Variants in PRDM14 observed in about 807,000 individuals in gnomAD.
PRDM14 encodes PR domain zinc finger protein 14.
A neutral mutation model predicts 48.0 loss-of-function variants in PRDM14; 16 were observed. The observed-to-expected ratio is 0.33, with a 90% CI of 0.23 to 0.51. The LOEUF (loss-of-function observed/expected upper bound fraction) is 0.51, where lower values mean the gene tolerates loss of function less well. Ranked by LOEUF, PRDM14 falls within the 20% of genes least tolerant of loss-of-function variation. The pLI is 0.97. For synonymous variants in PRDM14, 264 were observed against 276.6 expected (o/e 0.95, Z 0.45); for missense variants, 566 against 719.6 (o/e 0.79, Z 2.44).
chr8:70,061,315 C>CT (rs1805577872), intron 5 of PRDM14, among the ~76,000 whole-genome samples: 1 of 152,108 alleles, frequency 6.6e-6, no homozygotes, highest in Non-Finnish European at 1.5e-5. Flanking sequence ...GAAGAGCAGC[C>CT]AAGAGTGAGT....
At chr8:70,068,598 T>C in intron 2 of PRDM14, 66 bp from the exon 3 acceptor site, 1 of 1,302,254 alleles carries the variant, frequency 7.7e-7, no homozygotes. Flanking sequence ...TTATGAGGTG[T>C]TTCCCTCCTT....
intron 6 of PRDM14, among the ~76,000 whole-genome samples, chr8:70,056,687 A>G (rs1174333765): frequency 6.6e-6 from 1 of 151,730 alleles, no homozygotes; most frequent in African/African-American, 2.4e-5. Flanking sequence ...GGTGGCATGC[A>G]CTTATAGCCT....
At chr8:70,052,663 G>A (rs1227522652) in intron 7 of PRDM14, among the ~76,000 whole-genome samples, 1 of 151,948 alleles carries the variant, frequency 6.6e-6, no homozygotes, top group Non-Finnish European at 1.5e-5. Context: ...TCAGGAGTTC[G>A]AGACCAGCCT....
intron 6 of PRDM14, among the ~76,000 whole-genome samples, chr8:70,055,891 C>T (rs1161169649): frequency 4.6e-5 from 7 of 152,216 alleles, no homozygotes; most frequent in Non-Finnish European, 1.0e-4. Context: ...GCTCTCTCAA[C>T]AGGTAGCTGT....
At position 70,069,207 on chromosome 8, in the gene PRDM14, G is replaced by C. The variant is rs148902231; in HGVS notation, c.654C>G (p.Ser218Arg). 2.4e-4 allele frequency: 368 copies of C among 1,563,584 alleles called. 2 individuals carry two copies. In the African/African-American group the frequency reaches 4.2e-3, roughly 18 times the overall value. Residue 218 changes from serine (S) to arginine (R), a missense_variant, in exon 2 of 8, where the codon AGC (serine) becomes AGG (arginine). Ser to Arg is a moderately radical substitution (Grantham distance 110, BLOSUM62 -1). Transcript: ENST00000276594. The part of the protein sequence containing the change: ...GVTPSLEHPA[S>R]LHHAISGLLV... ...GGAGGCCTGAAATCGCATGGTGCAG[G>C]CTGGCTGGGTGCTCCAGGCTGGGAG...
At position 70,051,996 on chromosome 8, in the gene PRDM14, A is replaced by G. The variant is rs1204619757; in HGVS notation, c.*81T>C. On this transcript the variant is annotated 3_prime_UTR_variant, in exon 8 of 8. Coordinates refer to ENST00000276594, the MANE Select transcript of PRDM14 (RefSeq NM_024504.4). ...ACCATGTTGCCCAGGCTGGTCTCGA[A>G]CTCCTGGACTTGAGTGATCCACCCA... is the stretch of plus-strand genomic sequence containing the variant. 6 of 954,452 alleles carry G rather than the reference A, an allele frequency of 6.3e-6. No homozygotes were observed. The highest frequency in any genetic ancestry group is 4.9e-5 in the African/African-American group (3 of 61,124). The allele number at this position is 954,452 out of a possible 1,614,324, so 59.1% of individuals were successfully genotyped here.
intron 7 of PRDM14, among the ~76,000 whole-genome samples, chr8:70,055,008 C>T (rs1474231010): frequency 6.6e-6 from 1 of 152,140 alleles, no homozygotes; most frequent in Non-Finnish European, 1.5e-5. Flanking sequence ...TAGGTGTGAG[C>T]CACCACACTC....
intron 5 of PRDM14, among the ~76,000 whole-genome samples, chr8:70,064,626 G>C (rs567570791): frequency 6.7e-6 from 1 of 149,924 alleles, no homozygotes; most frequent in South Asian, 2.1e-4. Flanking sequence ...CTGGGTTCAC[G>C]CCATTCTCCT....
At chr8:70,065,427 C>T (rs1470069543) in intron 5 of PRDM14, among the ~76,000 whole-genome samples, 1 of 152,122 alleles carries the variant, frequency 6.6e-6, no homozygotes, top group East Asian at 1.9e-4. Flanking sequence ...ATTCCAAAGT[C>T]TCACCCCTAG....
intron 5 of PRDM14, among the ~76,000 whole-genome samples, chr8:70,064,681 C>T (rs569614537): frequency 6.3e-4 from 96 of 151,954 alleles, no homozygotes; most frequent in African/African-American, 1.9e-3. Context: ...CCCGCCACCA[C>T]GCCCGGCTAA....
At chr8:70,062,541 T>C (rs1480968060) in intron 5 of PRDM14, among the ~76,000 whole-genome samples, 1 of 152,096 alleles carries the variant, frequency 6.6e-6, no homozygotes, top group Non-Finnish European at 1.5e-5. Flanking sequence ...TTGCTCGGTC[T>C]GCAACCTCCG....
chr8:70,060,093 CAA>C (rs58440571), intron 5 of PRDM14, among the ~76,000 whole-genome samples: 13 of 102,580 alleles, frequency 1.3e-4, no homozygotes, highest in Admixed American at 1.1e-4. Flanking sequence ...AACTCCATCT[CAA>C]AAAAAAAAAA....
At chr8:70,053,977 A>C (rs1805431743) in intron 7 of PRDM14, among the ~76,000 whole-genome samples, 1 of 152,194 alleles carries the variant, frequency 6.6e-6, no homozygotes, top group East Asian at 1.9e-4. Context: ...GGAGCCATTG[A>C]GCACTTAAAA....
At chr8:70,058,387 C>T (rs1272430059) in intron 6 of PRDM14, among the ~76,000 whole-genome samples, 4 of 152,230 alleles carry the variant, frequency 2.6e-5, no homozygotes, top group African/African-American at 4.8e-5. Context: ...TCATAATCCA[C>T]GTGTCCAGGT....
intron 1 of PRDM14, among the ~76,000 whole-genome samples, chr8:70,070,648 T>G (rs1054007121): frequency 2.6e-5 from 4 of 152,096 alleles, no homozygotes; most frequent in African/African-American, 9.7e-5. Context: ...CCTCGGAAAC[T>G]CCAATCATTC....
chr8:70,068,111 T>C, intron 4 of PRDM14, 119 bp downstream of exon 4: 3 of 1,129,092 alleles, frequency 2.7e-6, no homozygotes, highest in African/African-American at 1.5e-5. Flanking sequence ...ACCACAGATA[T>C]CTGCCCTGGA....
chr8:70,051,770 T>TTTTGTTTTGTTTGG lies in PRDM14; in HGVS notation c.*306_*307insCCAAACAAAACAAA. On this transcript the variant is annotated 3_prime_UTR_variant, in exon 8 of 8. Coordinates refer to ENST00000276594, the MANE Select transcript of PRDM14 (RefSeq NM_024504.4). ...CCACACTCTTGAGGGCTACTCATTT[T>TTTTGTTTTGTTTGG]TTTTGTTTTGTTTTGTTTTGAGACA... The TTTTGTTTTGTTTGG allele has an allele frequency of 4.0e-6, 1 of 247,398 alleles. No homozygotes were observed. Among genetic ancestry groups the TTTTGTTTTGTTTGG allele is most frequent in the Admixed American group, 4.9e-5 (1 of 20,348 alleles). 15.3% of individuals were successfully genotyped at this position (247,398 alleles called of 1,614,324 possible). A position where few individuals can be genotyped will look rare whatever the true frequency, so the allele number is the denominator to read the frequency against.
Position 70,058,816 on chromosome 8 carries a change from T to G in PRDM14, c.1210A>C (p.Arg404=), listed in dbSNP as rs1464245599. ...TTGTAGGTAAATACCTTCCCACATC[T>G]TTCACATCTGTAGCCTTCTGCAGAC... ...EESAEGYRCE[R]CGKVFTYKYY... The change falls in exon 6 of 8, where the codon AGA becomes CGA. Residue 404 remains arginine, a synonymous_variant. Transcript: ENST00000276594. 1.9e-6 allele frequency: 3 copies of G among 1,614,090 alleles called. No individual in the cohort carries two copies. Among genetic ancestry groups the G allele is most frequent in the Admixed American group, 3.3e-5 (2 of 60,006 alleles).
Position 70,069,815 on chromosome 8 carries a change from A to G in PRDM14, c.46T>C (p.Cys16Arg), listed in dbSNP as rs538192886. 9 of 1,609,506 alleles carry G rather than the reference A, an allele frequency of 5.6e-6. No homozygotes were observed. The East Asian group carries it at 2.0e-4, about 36-fold the overall frequency. Residue 16 changes from cysteine to arginine, a missense_variant, in exon 2 of 8, where the codon TGC (cysteine) becomes CGC (arginine). This residue lies in a region of PRDM14 where 410 missense variants were observed against 424.6 expected (regional missense o/e 0.97). Transcript: ENST00000276594. ...TGCGGGCTGCTCTCCGGCGGGTAGC[A>G]CACCTTGTCCTGAGGCACGGCCTCA... ...PSEAVPQDKV[C>R]YPPESSPQNL...
Sources: allele counts gnomAD v4.1 joint callset (sites outside exome capture counted in the v4.1 genomes callset), GRCh38; gene constraint gnomAD v4.1.1; regional missense constraint gnomAD v4.1.1; transcripts MANE v1.5; gene names NCBI Gene and HGNC (gene_info 2026-07-23, HGNC 2026-07-21).